The following PCDHA2 variants were observed in gnomAD, a reference collection of about 807,000 sequenced individuals.
PCDHA2 encodes protocadherin alpha-2.
Under a neutral mutation model 66.0 loss-of-function variants are expected in PCDHA2, and 58 were observed. That is an observed-to-expected ratio of 0.88 (90% CI 0.71 to 1.09). The LOEUF is 1.09. Ranked by LOEUF, PCDHA2 falls within the 50% of genes least tolerant of loss-of-function variation. The probability of loss-of-function intolerance (pLI) is 0.00; values close to 1 mark genes in which losing one functional copy is unlikely to be tolerated. For missense variants in PCDHA2, 1,267 were observed against 1,242.3 expected, an observed-to-expected ratio of 1.02 and a Z score of -0.30; for synonymous variants, 634 against 554.0, an observed-to-expected ratio of 1.14 and a Z score of -2.03.
At chr5:140,869,790 A>G (rs782009264) in intron 1 of PCDHA2, 4 of 1,612,954 alleles carry the variant, frequency 2.5e-6, no homozygotes, top group African/African-American at 1.3e-5. Context: ...TTCGGCTGTT[A>G]GTCCAAGTCT....
intron 1 of PCDHA2, chr5:140,966,989 G>A: frequency 5.0e-6 from 8 of 1,604,148 alleles, no homozygotes; most frequent in Non-Finnish European, 6.8e-6. Context: ...CTTGGGGCCG[G>A]GTTGCTTGCG....
intron 1 of PCDHA2, chr5:140,830,398 C>G: frequency 1.9e-6 from 3 of 1,614,184 alleles, no homozygotes; most frequent in Non-Finnish European, 2.5e-6. Context: ...AGATGGATCT[C>G]ATGGCCTTTA....
At chr5:140,869,256 C>T in intron 1 of PCDHA2, 2 of 1,613,586 alleles carry the variant, frequency 1.2e-6, no homozygotes, top group Non-Finnish European at 1.7e-6. Flanking sequence ...TCGCGCAGGA[C>T]CTGGGGCTGG....
chr5:140,856,130 G>A lies in PCDHA2; in HGVS notation c.2388+58778G>A. The stretch of plus-strand genomic sequence containing the variant: ...CCTCGCAGCCTGGGAGGTGGGGAGC[G>A]GCCAGCTCCACTACTCAGTCTACGA... On this transcript the variant is annotated intron_variant, in intron 1 of 3. Transcript: ENST00000526136. 7 of 1,598,068 alleles carry A rather than the reference G, an allele frequency of 4.4e-6. 1 individual carries two copies. The highest frequency in any genetic ancestry group is 6.0e-6 in the Non-Finnish European group (7 of 1,167,790).
At chr5:141,009,511 G>C in intron 3 of PCDHA2, 116 bp from the exon 4 acceptor site, 2 of 1,498,174 alleles carry the variant, frequency 1.3e-6, no homozygotes, top group Non-Finnish European at 1.8e-6. Context: ...CAAACAACTC[G>C]TGATTTTTCT....
At chr5:140,884,871 A>T (rs1193714340) in intron 1 of PCDHA2, among the ~76,000 whole-genome samples, 1 of 152,210 alleles carries the variant, frequency 6.6e-6, no homozygotes, top group Non-Finnish European at 1.5e-5. Context: ...CCATAATGAA[A>T]TGTGCAAAAC....
chr5:140,973,556 C>A lies in PCDHA2; in HGVS notation c.2389-5393C>A, dbSNP rs993191449. Among the ~76,000 whole-genome samples the A allele has an allele frequency of 3.9e-5, 6 of 152,336 alleles. 1 individual carries two copies. In the South Asian group the frequency reaches 1.2e-3, roughly 32 times the overall value. ...ATACAATAATTTATTTCAATTACCT[C>A]TTTCCTCAATTTTTCTACAGACTGC... On this transcript the variant is annotated intron_variant, in intron 1 of 3. Coordinates refer to ENST00000526136, the MANE Select transcript of PCDHA2 (RefSeq NM_018905.3).
rs377328620 is a variant in PCDHA2 at position 140,928,577 on chromosome 5, A to G, written c.2389-50372A>G. On this transcript the variant is annotated intron_variant, in intron 1 of 3. Coordinates refer to ENST00000526136, the MANE Select transcript of PCDHA2 (RefSeq NM_018905.3). ...GTTATCTTGTTTCCCTTGCCCAGAA[A>G]TGGTTCTGTCCCAGTGGAAATTGTG... is the stretch of plus-strand genomic sequence containing the variant. The G allele has an allele frequency of 3.7e-6, 6 of 1,614,070 alleles. No homozygotes were observed. The African/African-American group carries it at 6.7e-5, about 18-fold the overall frequency.
intron 1 of PCDHA2, among the ~76,000 whole-genome samples, chr5:140,878,613 C>T (rs1413546987): frequency 1.3e-5 from 2 of 152,184 alleles, no homozygotes; most frequent in Admixed American, 6.5e-5. Context: ...TTCTAATGTG[C>T]ATTTTACATA....
At chr5:140,800,193 T>C (rs61707677) in intron 1 of PCDHA2, among the ~76,000 whole-genome samples, 8,186 of 152,236 alleles carry the variant, frequency 0.054, 726 homozygotes, top group African/African-American at 0.19. Flanking sequence ...TTAAACCTAA[T>C]ATATTCTTAA....
intron 3 of PCDHA2, among the ~76,000 whole-genome samples, chr5:140,996,673 T>C (rs2097737293): frequency 6.6e-6 from 1 of 152,200 alleles, no homozygotes; most frequent in African/African-American, 2.4e-5. Context: ...TTTTGAACCA[T>C]GTTGGGCTAG....
chr5:140,899,052 C>CCAA (rs1554188364), intron 1 of PCDHA2, among the ~76,000 whole-genome samples: 7 of 151,400 alleles, frequency 4.6e-5, no homozygotes, highest in Non-Finnish European at 1.0e-4. Flanking sequence ...TATCCTGAGA[C>CCAA]TTTGCTGAAG....
intron 3 of PCDHA2, among the ~76,000 whole-genome samples, chr5:140,994,726 G>T (rs774837274): frequency 3.0e-4 from 45 of 151,958 alleles, no homozygotes; most frequent in Non-Finnish European, 3.7e-4. Flanking sequence ...TAAAATACTG[G>T]GTATTGCAGG....
intron 1 of PCDHA2, among the ~76,000 whole-genome samples, chr5:140,917,537 A>G (rs1433498846): frequency 2.0e-5 from 3 of 152,222 alleles, no homozygotes; most frequent in Middle Eastern, 3.2e-3. Flanking sequence ...GTATAGTTTT[A>G]GGTTTTACAT....
In PCDHA2 at chr5:140,836,337, A is replaced by C. The variant is rs143048298; in HGVS notation, c.2388+38985A>C. 5 of 1,613,530 alleles carry C rather than the reference A, an allele frequency of 3.1e-6. No individual in the cohort carries two copies. The African/African-American group carries it at 6.7e-5, about 22-fold the overall frequency. ...GCGCCACCGCCTTCTGGTGCTTGTG[A>C]AGGACCACGGGGAGCCCTCGCTGAC... On this transcript the variant is annotated intron_variant, in intron 1 of 3. Transcript: ENST00000526136.
intron 1 of PCDHA2, chr5:140,883,308 C>A: frequency 6.2e-7 from 1 of 1,614,102 alleles, no homozygotes; most frequent in Non-Finnish European, 8.5e-7. Context: ...AATGATAACG[C>A]CCCAGAGGTT....
intron 3 of PCDHA2, among the ~76,000 whole-genome samples, chr5:140,988,180 G>C (rs2097285964): frequency 1.3e-5 from 2 of 152,134 alleles, no homozygotes; most frequent in Admixed American, 1.3e-4. Context: ...TGACAGTCCT[G>C]GGAGGTGTGT....
At chr5:140,831,548 A>G in intron 1 of PCDHA2, among the ~76,000 whole-genome samples, 1 of 127,154 alleles carries the variant, frequency 7.9e-6, no homozygotes, top group Non-Finnish European at 1.6e-5. Flanking sequence ...TTTTTTTAAG[A>G]GATGGGGTTT....
intron 1 of PCDHA2, among the ~76,000 whole-genome samples, chr5:140,930,773 TA>T (rs1192170091): frequency 6.6e-6 from 1 of 152,226 alleles, no homozygotes; most frequent in East Asian, 1.9e-4. Flanking sequence ...CTGTACTTAA[TA>T]TTTTCACAAT....
Sources: allele counts gnomAD v4.1 joint callset (sites outside exome capture counted in the v4.1 genomes callset), GRCh38; gene constraint gnomAD v4.1.1; transcripts MANE v1.5; gene names NCBI Gene and HGNC (gene_info 2026-07-23, HGNC 2026-07-21).